Variants in SLC8A1 observed in about 807,000 individuals in gnomAD.
The protein encoded by SLC8A1 is sodium/calcium exchanger 1.
Under a neutral mutation model 68.3 loss-of-function variants are expected in SLC8A1, and 18 were observed. The observed-to-expected ratio is 0.26, with a 90% CI of 0.18 to 0.39. The LOEUF is 0.39. SLC8A1 is among the 10% of genes least tolerant of loss of function. The pLI is 1.00. For missense variants in SLC8A1, 985 were observed against 1,156.7 expected, an observed-to-expected ratio of 0.85 and a Z score of 2.15; for synonymous variants, 475 against 415.5, an observed-to-expected ratio of 1.14 and a Z score of -1.74.
chr2:40,511,070 A>C (rs1706694555), intron 1 of SLC8A1, among the ~76,000 whole-genome samples: 1 of 152,156 alleles, frequency 6.6e-6, no homozygotes, highest in African/African-American at 2.4e-5. Context: ...TTATTTTCTT[A>C]CACTTGCTTA....
chr2:40,210,661 C>A (rs564708462), intron 2 of SLC8A1, among the ~76,000 whole-genome samples: 1 of 152,196 alleles, frequency 6.6e-6, no homozygotes, highest in East Asian at 1.9e-4. Flanking sequence ...AAATGAATTT[C>A]CTGTTTCACC....
At chr2:40,455,474 C>A (rs1158989475), upstream of SLC8A1, among the ~76,000 whole-genome samples, 2 of 152,196 alleles carry the variant, frequency 1.3e-5, no homozygotes, top group African/African-American at 4.8e-5. Flanking sequence ...TCATTTCTTA[C>A]TCTGCCAGCC....
chr2:40,383,600 A>G (rs949419180), intron 2 of SLC8A1, among the ~76,000 whole-genome samples: 22 of 152,122 alleles, frequency 1.4e-4, no homozygotes, highest in Admixed American at 1.4e-3. Flanking sequence ...ACTAACAGAG[A>G]AAAAAATTAA....
intron 2 of SLC8A1, 117 bp downstream of exon 2, chr2:40,428,356 T>A (rs1336251639): frequency 7.1e-7 from 1 of 1,406,310 alleles, no homozygotes; most frequent in African/African-American, 1.4e-5. Context: ...ATAAAAGCTA[T>A]TCCATTCCTT....
intron 1 of SLC8A1, among the ~76,000 whole-genome samples, chr2:40,472,012 C>T (rs60303818): frequency 6.6e-6 from 1 of 152,064 alleles, no homozygotes; most frequent in African/African-American, 2.4e-5. Flanking sequence ...GAGGAGACTG[C>T]GGTTGACTAT....
intron 2 of SLC8A1, among the ~76,000 whole-genome samples, chr2:40,263,349 C>A (rs898730316): frequency 1.3e-5 from 2 of 152,292 alleles, no homozygotes; most frequent in East Asian, 3.9e-4. Flanking sequence ...TTGGAAAAAA[C>A]TACTTTAAAG....
chr2:40,325,777 C>CAAAAAAAAAAAA (rs3059526), intron 2 of SLC8A1, among the ~76,000 whole-genome samples: 2 of 45,008 alleles, frequency 4.4e-5, no homozygotes, highest in Non-Finnish European at 8.5e-5. Flanking sequence ...ACTAAAAATA[C>CAAAAAAAAAAAA]AAAAAAAAAA....
At chr2:40,220,600 T>C (rs2058183341) in intron 2 of SLC8A1, among the ~76,000 whole-genome samples, 1 of 152,204 alleles carries the variant, frequency 6.6e-6, no homozygotes, top group African/African-American at 2.4e-5. Context: ...ACTCAGCTAT[T>C]AATTTCTGCT....
intron 2 of SLC8A1, among the ~76,000 whole-genome samples, chr2:40,336,993 A>G (rs1666168064): frequency 1.3e-5 from 2 of 152,206 alleles, no homozygotes. Flanking sequence ...TTCAGTAACT[A>G]GCATCCTTAA....
At chr2:40,196,676 G>T (rs766905359) in intron 2 of SLC8A1, among the ~76,000 whole-genome samples, 1 of 151,988 alleles carries the variant, frequency 6.6e-6, no homozygotes, top group Non-Finnish European at 1.5e-5. Context: ...CAGGTTAAGA[G>T]GCTTAACAGC....
intron 2 of SLC8A1, among the ~76,000 whole-genome samples, chr2:40,349,324 GA>G (rs1219775546): frequency 2.6e-5 from 4 of 152,150 alleles, no homozygotes; most frequent in African/African-American, 9.7e-5. Flanking sequence ...TGGTCATTGA[GA>G]AAAGACAGAG....
At chr2:40,480,194 AG>A (rs1704542712) in intron 1 of SLC8A1, among the ~76,000 whole-genome samples, 1 of 152,162 alleles carries the variant, frequency 6.6e-6, no homozygotes, top group African/African-American at 2.4e-5. Flanking sequence ...GGAAGGCAAA[AG>A]TTGCTCTCTT....
chr2:40,316,464 A>C (rs2074461600), intron 2 of SLC8A1, among the ~76,000 whole-genome samples: 1 of 152,070 alleles, frequency 6.6e-6, no homozygotes, highest in African/African-American at 2.4e-5. Flanking sequence ...AATATTTGAT[A>C]GATAAGTTTG....
chr2:40,261,428 G>A (rs952664391), intron 2 of SLC8A1, among the ~76,000 whole-genome samples: 11 of 152,166 alleles, frequency 7.2e-5, no homozygotes, highest in Non-Finnish European at 2.9e-5. Context: ...GAAACTGCTC[G>A]ATTGGGATTT....
chr2:40,450,908 A>T (rs1482819143), intron 1 of SLC8A1, among the ~76,000 whole-genome samples: 2 of 152,036 alleles, frequency 1.3e-5, no homozygotes, highest in East Asian at 3.9e-4. Context: ...CACTTTGGAG[A>T]GGGAAATACA....
intron 2 of SLC8A1, among the ~76,000 whole-genome samples, chr2:40,269,648 G>T (rs185390110): frequency 3.3e-5 from 5 of 152,126 alleles, no homozygotes; most frequent in Admixed American, 3.3e-4. Context: ...CCTTGGTCAC[G>T]TCTTGGAGGA....
rs34529946 is a variant in SLC8A1, at chr2:40,350,782, AT to A, written c.1808+77690del. On this transcript the variant is annotated intron_variant, in intron 2 of 7. Coordinates refer to ENST00000406785, the Ensembl canonical transcript of SLC8A1. ...ACTAATCTATGGAGTATAAGCTGCC[AT>A]TTTTTGAGTGCCTAGAATGAGCCAG... Among the ~76,000 whole-genome samples, 1,258 of 152,188 alleles carry A rather than the reference AT, an allele frequency of 8.3e-3. 3 individuals carry two copies. Among genetic ancestry groups the A allele is most frequent in the Non-Finnish European group, 0.013 (892 of 68,010 alleles).
chr2:40,239,221 C>G (rs1394392528), intron 2 of SLC8A1, among the ~76,000 whole-genome samples: 1 of 152,112 alleles, frequency 6.6e-6, no homozygotes, highest in African/African-American at 2.4e-5. Context: ...AAAGTGAACA[C>G]AGTACCCCAA....
chr2:40,256,590 C>T lies in SLC8A1; in HGVS notation c.1809-78735G>A, dbSNP rs150550420. 2.6e-5 allele frequency among the ~76,000 whole-genome samples: 4 copies of T among 152,252 alleles called. No homozygotes were observed. The East Asian group carries it at 5.8e-4, about 22-fold the overall frequency. ...TAAATTATTCGTTCCCTTTTGGACA[C>T]ATTATTGCTCCATAATAATGCTAAG... On this transcript the variant is annotated intron_variant, in intron 2 of 7. Coordinates refer to ENST00000406785, the Ensembl canonical transcript of SLC8A1.
Sources: gnomAD v4.1 joint callset for allele counts (sites outside exome capture counted in the v4.1 genomes callset) on GRCh38, gnomAD v4.1.1 for gene constraint, MANE v1.5 for transcripts, NCBI Gene and HGNC (gene_info 2026-07-23, HGNC 2026-07-21) for gene names.